PPARD: variants seen among roughly 807,000 people sequenced by gnomAD.
The protein encoded by PPARD is peroxisome proliferator-activated receptor delta.
A neutral mutation model predicts 39.5 loss-of-function variants in PPARD; 6 were observed. That is an observed-to-expected ratio of 0.15 (90% confidence interval 0.08 to 0.30). PPARD has a LOEUF of 0.30. PPARD is among the 10% of genes least tolerant of loss of function. PPARD has a pLI of 1.00. For synonymous variants in PPARD, 210 were observed against 231.3 expected (o/e 0.91, Z 0.83); for missense variants, 397 against 596.8 (o/e 0.67, Z 3.49).
At chr6:35,351,861 C>CTTTT (rs774957372) in intron 2 of PPARD, among the ~76,000 whole-genome samples, 85 of 87,344 alleles carry the variant, frequency 9.7e-4, no homozygotes, top group African/African-American at 1.5e-3. Flanking sequence ...CACACCCAGC[C>CTTTT]TTTTTTTTTT....
In PPARD at chr6:35,401,925, C is replaced by G. The variant is rs1271023498; in HGVS notation, c.-101-9062C>G. Among the ~76,000 whole-genome samples the G allele has an allele frequency of 2.4e-4, 37 of 152,260 alleles. No homozygotes were observed. Among genetic ancestry groups the G allele is most frequent in the Non-Finnish European group, 4.4e-5 (3 of 68,024 alleles). The stretch of plus-strand genomic sequence containing the variant: ...GGCTCTGGCTCGGTCTCTGGTGAGT[C>G]TCTCTGCTGGCCGGCAGAACCACCC... On this transcript the variant is annotated intron_variant, in intron 2 of 7. Transcript: ENST00000360694. This position sits in a 1 kb window ranked among gnomAD's most constrained non-coding sequence, Gnocchi z 4.1.
In PPARD at chr6:35,425,031, G is replaced by C; in HGVS notation, c.1078+252G>C. 1 of 1,307,254 alleles carries C rather than the reference G, an allele frequency of 7.6e-7. No homozygotes were observed. The highest frequency in any genetic ancestry group is 9.8e-7 in the Non-Finnish European group (1 of 1,023,452). 81.0% of individuals were successfully genotyped at this position (1,307,254 alleles called of 1,614,324 possible). A position where few individuals can be genotyped will look rare whatever the true frequency, so the allele number is the denominator to read the frequency against. On this transcript the variant is annotated intron_variant, in intron 7 of 7. Transcript: ENST00000360694. The surrounding 1 kb of genome is among the most constrained non-coding windows in gnomAD (Gnocchi z 4.5). ...CTCACACCTGTAATCCCAGCACTTT[G>C]GCAGGCCGAGGCGGGTGGATCACTT...
intron 2 of PPARD, chr6:35,348,768 G>A (rs981400501): frequency 1.0e-6 from 1 of 985,270 alleles, no homozygotes; most frequent in African/African-American, 1.7e-5. Context: ...CCCATACCAA[G>A]TGCTTTCCTC....
Position 35,414,108 on chromosome 6 carries a change from G to A in PPARD, c.130+2891G>A, listed in dbSNP as rs79707008. Among the ~76,000 whole-genome samples, 96 of 152,286 alleles carry A rather than the reference G, an allele frequency of 6.3e-4. No homozygotes were observed. In the East Asian group the frequency reaches 0.014, roughly 23 times the overall value. ...GGACTGCTCATAAGAGCAAAAATAG[G>A]AACGTGCCCATCTGTGGGGAACTGG... On this transcript the variant is annotated intron_variant, in intron 3 of 7. Coordinates refer to ENST00000360694, the MANE Select transcript of PPARD (RefSeq NM_006238.5).
chr6:35,372,924 A>C (rs1562183889), intron 2 of PPARD, among the ~76,000 whole-genome samples: 1 of 152,190 alleles, frequency 6.6e-6, no homozygotes, highest in African/African-American at 2.4e-5. Flanking sequence ...GAGATGGGTA[A>C]TTTATAAACA....
At chr6:35,346,136 C>A (rs1437257888) in intron 1 of PPARD, among the ~76,000 whole-genome samples, 1 of 152,140 alleles carries the variant, frequency 6.6e-6, no homozygotes, top group East Asian at 1.9e-4. Flanking sequence ...GCCTCAGCCT[C>A]CCAAAGTGCT....
intron 2 of PPARD, among the ~76,000 whole-genome samples, chr6:35,398,051 G>A (rs9658118): frequency 0.014 from 2,200 of 152,312 alleles, 25 homozygotes; most frequent in Middle Eastern, 0.041. Flanking sequence ...TATACCAGAA[G>A]GAGTGGAGCA....
intron 5 of PPARD, 43 bp from the exon 6 acceptor site, chr6:35,423,903 G>A: frequency 6.2e-7 from 1 of 1,600,594 alleles, no homozygotes; most frequent in Non-Finnish European, 8.5e-7. Context: ...GAGGTGCTGG[G>A]GCCTGCCTGG....
chr6:35,342,753 GCGGGACTGGGGCGCAAGGCC>G (rs1562160018), intron 1 of PPARD, 72 bp downstream of exon 1: 1 of 152,418 alleles, frequency 6.6e-6, no homozygotes, highest in Non-Finnish European at 1.5e-5. Context: ...GAGGCGGCCA[GCGGGACTGGGGCGCAAGGCC>G]CGGCGGCGGG....
rs771543364 is a variant in PPARD, at chr6:35,424,604, C to T, written c.903C>T (p.Asp301=). Residue 301 remains aspartate, a synonymous_variant, in exon 7 of 8, where the codon GAC becomes GAT. Coordinates refer to ENST00000360694, the MANE Select transcript of PPARD (RefSeq NM_006238.5). This position sits in a 1 kb window ranked among gnomAD's most constrained non-coding sequence, Gnocchi z 7.1. ...TGCTGGCCTCTATCGTCAACAAGGACGGGCTGCTGGTAGCCAACGGCAGTG... is the reference window on the plus strand; with the variant it reads ...TGCTGGCCTCTATCGTCAACAAGGATGGGCTGCTGGTAGCCAACGGCAGTG... ...FAMLASIVNK[D]GLLVANGSGF... The T allele has an allele frequency of 6.2e-6, 10 of 1,614,248 alleles. No individual in the cohort carries two copies. The East Asian group carries it at 6.7e-5, about 11-fold the overall frequency.
At chr6:35,423,498 A>C (rs1481814723) in intron 5 of PPARD, among the ~76,000 whole-genome samples, 1 of 151,392 alleles carries the variant, frequency 6.6e-6, no homozygotes, top group East Asian at 1.9e-4. Flanking sequence ...GTGCCACTGC[A>C]CTCCAGCCTG....
intron 3 of PPARD, among the ~76,000 whole-genome samples, chr6:35,418,339 TA>T (rs56273173): frequency 0.87 from 132,091 of 152,206 alleles, 57,519 homozygotes; most frequent in African/African-American, 0.92. Flanking sequence ...GTCCCTGTTA[TA>T]AATGCCTCCA....
In PPARD at chr6:35,352,865, A is replaced by C. The variant is rs181806309; in HGVS notation, c.-102+5715A>C. 2.4e-4 allele frequency among the ~76,000 whole-genome samples: 37 copies of C among 152,302 alleles called. 1 individual carries two copies. The East Asian group carries it at 6.7e-3, about 28-fold the overall frequency. On this transcript the variant is annotated intron_variant, in intron 2 of 7. Coordinates refer to ENST00000360694, the MANE Select transcript of PPARD (RefSeq NM_006238.5). ...TTGAGAGATTCAGAAAGAAATGTCA[A>C]TGTTTCTCATGTCCTAGCCTTGGAA...
intron 2 of PPARD, chr6:35,397,571 G>A (rs974816841): frequency 3.0e-6 from 3 of 984,760 alleles, no homozygotes; most frequent in African/African-American, 1.7e-5. Context: ...GTGGAGCAGT[G>A]ATCTCTACAG....
chr6:35,362,387 T>G (rs1284841266), intron 2 of PPARD, among the ~76,000 whole-genome samples: 3 of 151,814 alleles, frequency 2.0e-5, no homozygotes, highest in African/African-American at 7.3e-5. Flanking sequence ...TCTCCCCATC[T>G]GTGTCTCTCC....
intron 2 of PPARD, among the ~76,000 whole-genome samples, chr6:35,355,501 A>G (rs1353049189): frequency 7.3e-6 from 1 of 136,910 alleles, no homozygotes; most frequent in Non-Finnish European, 1.5e-5. Context: ...GCAGTGAGCC[A>G]TATTTGTACC....
intron 2 of PPARD, among the ~76,000 whole-genome samples, chr6:35,373,290 A>G (rs1427752743): frequency 6.6e-6 from 1 of 152,190 alleles, no homozygotes; most frequent in African/African-American, 2.4e-5. Flanking sequence ...AGTAATCGGG[A>G]TGATTAAATG....
At position 35,423,800 on chromosome 6, in the gene PPARD, CCAT is replaced by C; in HGVS notation, c.425-142_425-140del. ...GAGCTTGCGATCTGGAGGGGCCACC[CCAT>C]CATTCCTACCTTGCTGACTCTAGAG... On this transcript the variant is annotated intron_variant, in intron 5 of 7. Transcript: ENST00000360694. The C allele has an allele frequency of 4.4e-6, 3 of 676,338 alleles. No individual in the cohort carries two copies. The South Asian group carries it at 5.9e-5, about 13-fold the overall frequency. The allele number at this position is 676,338 out of a possible 1,614,324, so 41.9% of individuals were successfully genotyped here.
intron 2 of PPARD, among the ~76,000 whole-genome samples, chr6:35,354,857 A>G (rs145931532): frequency 7.0e-4 from 106 of 152,256 alleles, no homozygotes; most frequent in Non-Finnish European, 1.1e-3. Flanking sequence ...TAGCCATTTC[A>G]TCGTCTGTGA....
Sources: gnomAD v4.1 joint callset for allele counts (sites outside exome capture counted in the v4.1 genomes callset) on GRCh38, gnomAD v4.1.1 for gene constraint, Gnocchi (gnomAD v3.1) non-coding constraint, MANE v1.5 for transcripts, NCBI Gene and HGNC (gene_info 2026-07-23, HGNC 2026-07-21) for gene names.